GPC5: variants seen among roughly 807,000 people sequenced by gnomAD.
GPC5 encodes the protein glypican-5.
GPC5 carries 47 observed loss-of-function variants against 53.9 expected under a neutral mutation model. That is an observed-to-expected ratio of 0.87 (90% CI 0.69 to 1.11). GPC5 has a LOEUF of 1.11. Among genes scored for constraint, GPC5 ranks in the 50% most tolerant of loss-of-function variants. The probability of loss-of-function intolerance (pLI) is 0.00; values close to 1 mark genes in which losing one functional copy is unlikely to be tolerated. For synonymous variants in GPC5, 286 were observed against 263.3 expected, an observed-to-expected ratio of 1.09 and a Z score of -0.84; for missense variants, 748 against 713.1, an observed-to-expected ratio of 1.05 and a Z score of -0.56.
chr13:92,663,856 CTATATATAT>C (rs1886463014), intron 7 of GPC5, among the ~76,000 whole-genome samples: 1 of 88,340 alleles, frequency 1.1e-5, no homozygotes, highest in African/African-American at 4.8e-5. Context: ...CACACACACA[CTATATATAT>C]ATATATATAT....
chr13:91,846,358 A>C (rs575862460), intron 5 of GPC5, among the ~76,000 whole-genome samples: 1 of 152,164 alleles, frequency 6.6e-6, no homozygotes, highest in Non-Finnish European at 1.5e-5. Flanking sequence ...ATGCTAGTTT[A>C]ACCTGATTCT....
intron 2 of GPC5, among the ~76,000 whole-genome samples, chr13:91,519,061 G>A (rs1295839587): frequency 6.6e-6 from 1 of 152,098 alleles, no homozygotes; most frequent in African/African-American, 2.4e-5. Flanking sequence ...CGTTCATAAT[G>A]TTTTCCGTGA....
At chr13:92,313,336 G>A (rs748422279) in intron 7 of GPC5, among the ~76,000 whole-genome samples, 3 of 152,134 alleles carry the variant, frequency 2.0e-5, no homozygotes, top group Non-Finnish European at 4.4e-5. Flanking sequence ...GCTGAGAAGA[G>A]TAATAGACTT....
At chr13:92,228,338 T>C (rs1160623696) in intron 7 of GPC5, among the ~76,000 whole-genome samples, 1 of 152,142 alleles carries the variant, frequency 6.6e-6, no homozygotes, top group Admixed American at 6.5e-5. Flanking sequence ...AGTAAAATTA[T>C]TGTAATATTT....
At chr13:91,850,303 G>T (rs1160156174) in intron 5 of GPC5, among the ~76,000 whole-genome samples, 1 of 151,994 alleles carries the variant, frequency 6.6e-6, no homozygotes, top group Non-Finnish European at 1.5e-5. Context: ...AACAACCTGG[G>T]ACTATTTTAC....
chr13:92,866,756 C>A lies in GPC5; in HGVS notation c.*317C>A. 5.5e-6 allele frequency: 1 copy of A among 183,078 alleles called. No homozygotes were observed. The allele number at this position is 183,078 out of a possible 1,614,324, so 11.3% of individuals were successfully genotyped here. A position where few individuals can be genotyped will look rare whatever the true frequency, so the allele number is the denominator to read the frequency against. The stretch of plus-strand genomic sequence containing the variant: ...TTTAGTGTATCTGTAATTTTATTAT[C>A]AATTCCAAGCCCCTTCCTTTCTAAA... On this transcript the variant is annotated 3_prime_UTR_variant, in exon 8 of 8. Coordinates refer to ENST00000377067, the MANE Select transcript of GPC5 (RefSeq NM_004466.6).
chr13:92,299,273 A>T (rs9589491), intron 7 of GPC5, among the ~76,000 whole-genome samples: 7,773 of 152,276 alleles, frequency 0.051, 544 homozygotes, highest in African/African-American at 0.16. Flanking sequence ...GCAAACTTCC[A>T]CATGATAAAC....
chr13:92,804,420 T>G (rs1258379758), intron 7 of GPC5, among the ~76,000 whole-genome samples: 1 of 151,994 alleles, frequency 6.6e-6, no homozygotes, highest in Non-Finnish European at 1.5e-5. Flanking sequence ...CATAAGATAT[T>G]TTCGGTTTCC....
rs139327612 is a variant in GPC5, at chr13:91,503,680, T to G, written c.325+54758T>G. 7.5e-4 allele frequency among the ~76,000 whole-genome samples: 113 copies of G among 151,360 alleles called. 2 individuals are homozygous for G. In the East Asian group the frequency reaches 0.02, roughly 27 times the overall value. On this transcript the variant is annotated intron_variant, in intron 2 of 7. Coordinates refer to ENST00000377067, the MANE Select transcript of GPC5 (RefSeq NM_004466.6). Reference sequence around the variant, plus strand: ...CTGTAATCCCTGCTTCTTCGTAGGCTGAGGCAGGAGAATTGCTTGAACCAG... The same window carrying G: ...CTGTAATCCCTGCTTCTTCGTAGGCGGAGGCAGGAGAATTGCTTGAACCAG...
At chr13:92,296,652 G>A (rs1163246829) in intron 7 of GPC5, among the ~76,000 whole-genome samples, 1 of 152,158 alleles carries the variant, frequency 6.6e-6, no homozygotes, top group African/African-American at 2.4e-5. Flanking sequence ...TCAGCTTGCA[G>A]GGAGGTATGG....
chr13:92,569,344 G>A (rs1235264481), intron 7 of GPC5, among the ~76,000 whole-genome samples: 2 of 151,882 alleles, frequency 1.3e-5, no homozygotes, highest in African/African-American at 2.4e-5. Flanking sequence ...GCTTAAAGAG[G>A]CTAAGTGACT....
intron 6 of GPC5, among the ~76,000 whole-genome samples, chr13:92,037,019 A>G (rs2040898636): frequency 6.6e-6 from 1 of 152,146 alleles, no homozygotes; most frequent in African/African-American, 2.4e-5. Context: ...GTATTTTTTA[A>G]AAATGTAATT....
intron 1 of GPC5, among the ~76,000 whole-genome samples, chr13:91,444,972 C>G (rs1220745531): frequency 2.0e-5 from 3 of 152,200 alleles, no homozygotes; most frequent in Non-Finnish European, 2.9e-5. Context: ...CTGTTCATGT[C>G]TTCCACCCAC....
chr13:92,796,220 G>A (rs1432951382), intron 7 of GPC5, among the ~76,000 whole-genome samples: 1 of 152,092 alleles, frequency 6.6e-6, no homozygotes, highest in Non-Finnish European at 1.5e-5. Context: ...CAGGGACATG[G>A]ATGAAGCTGG....
rs76891996 is a variant in GPC5, at chr13:92,153,084, T to C, written c.1561+8095T>C. 2.0e-5 allele frequency among the ~76,000 whole-genome samples: 3 copies of C among 152,362 alleles called. No homozygotes were observed. In the East Asian group the frequency reaches 5.8e-4, roughly 29 times the overall value. On this transcript the variant is annotated intron_variant, in intron 7 of 7. Transcript: ENST00000377067. ...ACTCCTTTTGTTAAACAGTGTGGTT[T>C]TGAGGCTTATCCATGCTGATGGATA... is the stretch of plus-strand genomic sequence containing the variant.
chr13:92,034,467 C>T (rs940151579), intron 6 of GPC5, among the ~76,000 whole-genome samples: 2 of 152,052 alleles, frequency 1.3e-5, no homozygotes, highest in Non-Finnish European at 2.9e-5. Context: ...CACTGCACTC[C>T]AGCCTGGGCA....
chr13:91,794,356 A>G (rs2038015698), intron 5 of GPC5, among the ~76,000 whole-genome samples: 1 of 152,146 alleles, frequency 6.6e-6, no homozygotes, highest in Admixed American at 6.5e-5. Flanking sequence ...CCTACTCTCC[A>G]CAGACATACC....
chr13:91,981,032 G>A (rs1260512567), intron 6 of GPC5, among the ~76,000 whole-genome samples: 2 of 152,130 alleles, frequency 1.3e-5, no homozygotes, highest in Admixed American at 6.5e-5. Flanking sequence ...TTTGCAGTGT[G>A]GGTCTATTAT....
chr13:92,186,575 C>T (rs887577129), intron 7 of GPC5, among the ~76,000 whole-genome samples: 10 of 150,258 alleles, frequency 6.7e-5, no homozygotes, highest in Non-Finnish European at 1.2e-4. Context: ...TATATTTACT[C>T]TCATCGGCAA....
Sources: allele counts gnomAD v4.1 joint callset (sites outside exome capture counted in the v4.1 genomes callset), GRCh38; gene constraint gnomAD v4.1.1; transcripts MANE v1.5; gene names NCBI Gene and HGNC (gene_info 2026-07-23, HGNC 2026-07-21).